The following POLI variants were observed in gnomAD, a reference collection of about 807,000 sequenced individuals.
The protein encoded by POLI is RAD30 homolog B.
Under a neutral mutation model 51.6 loss-of-function variants are expected in POLI, and 58 were observed. The observed-to-expected ratio is 1.12, with a 90% CI of 0.91 to 1.40. POLI has a LOEUF of 1.40. Ranked by LOEUF, POLI falls within the 40% of genes most tolerant of loss-of-function variation. POLI has a pLI of 0.00. For missense variants in POLI, 921 were observed against 871.3 expected, an observed-to-expected ratio of 1.06 and a Z score of -0.72; for synonymous variants, 322 against 299.7, an observed-to-expected ratio of 1.07 and a Z score of -0.77.
rs1599254133 is a variant in POLI at position 54,295,399 on chromosome 18, A to G, written c.*932A>G. 1 of 980,848 alleles carries G rather than the reference A, an allele frequency of 1.0e-6. No homozygotes were observed. The highest frequency in any genetic ancestry group is 1.2e-6 in the Non-Finnish European group (1 of 825,760). The allele number at this position is 980,848 out of a possible 1,614,324, so 60.8% of individuals were successfully genotyped here. ...ATTGCCTTCCTCTTTTGCCTGCTAA[A>G]CTAAAAATTGGATATAAGATTGAGA... is the stretch of plus-strand genomic sequence containing the variant. On this transcript the variant is annotated 3_prime_UTR_variant, in exon 10 of 10. Coordinates refer to ENST00000579534, the MANE Select transcript of POLI (RefSeq NM_007195.3).
intron 2 of POLI, among the ~76,000 whole-genome samples, chr18:54,272,964 G>A (rs895435709): frequency 3.3e-5 from 5 of 151,860 alleles, no homozygotes; most frequent in Non-Finnish European, 7.4e-5. Flanking sequence ...TAAAAATAAT[G>A]TTGTTTATGA....
intron 7 of POLI, among the ~76,000 whole-genome samples, chr18:54,285,697 T>A (rs991524129): frequency 2.6e-5 from 4 of 152,204 alleles, no homozygotes; most frequent in Non-Finnish European, 4.4e-5. Context: ...CTTTTTCTAA[T>A]GTGTCTTAAT....
rs1233962851 is a variant in POLI at position 54,294,229 on chromosome 18, T to C, written c.1985T>C (p.Leu662Ser). ...TCTGCTTTTCATTCATTTCCAAACT[T>C]GCAGAGTGAGCAACTTTTCTCCAGA... The part of the protein sequence containing the change: ...AVSAFHSFPN[L>S]QSEQLFSRNH... Residue 662 changes from leucine (L) to serine (S), a missense_variant, in exon 10 of 10, where the codon TTG (leucine) becomes TCG (serine). Physicochemically the swap from Leu to Ser is moderately radical, Grantham distance 145 (BLOSUM62 -2). Coordinates refer to ENST00000579534, the MANE Select transcript of POLI (RefSeq NM_007195.3). The C allele has an allele frequency of 6.2e-7, 1 of 1,613,584 alleles. No homozygotes were observed. Among genetic ancestry groups the C allele is most frequent in the Non-Finnish European group, 8.5e-7 (1 of 1,179,724 alleles).
downstream of POLI, among the ~76,000 whole-genome samples, chr18:54,300,702 G>C (rs2088475669): frequency 6.6e-6 from 1 of 152,232 alleles, no homozygotes; most frequent in Admixed American, 6.5e-5. Flanking sequence ...GGACCCAACT[G>C]TCTGCTGTGT....
At chr18:54,308,261 T>G (rs1456751369) in intron 3 of POLI, among the ~76,000 whole-genome samples, 1 of 152,224 alleles carries the variant, frequency 6.6e-6, no homozygotes, top group African/African-American at 2.4e-5. Context: ...TCAGGAGCTC[T>G]TGTAAGGCAG....
At chr18:54,311,129 C>T in intron 3 of POLI, 1 of 981,008 alleles carries the variant, frequency 1.0e-6, no homozygotes, top group Non-Finnish European at 1.2e-6. Flanking sequence ...TGCTGCCACC[C>T]TGCCACTTCT....
At chr18:54,281,939 G>T (rs2087521236) in intron 5 of POLI, among the ~76,000 whole-genome samples, 1 of 152,042 alleles carries the variant, frequency 6.6e-6, no homozygotes, top group Non-Finnish European at 1.5e-5. Flanking sequence ...TGAATGAAAA[G>T]AATAAGGAGA....
rs777058525 is a variant in POLI, at chr18:54,274,037, T to A, written c.353T>A (p.Leu118Ter). 1.9e-6 allele frequency: 3 copies of A among 1,558,734 alleles called. No homozygotes were observed. Residue 118 changes from leucine to a stop codon, truncating the protein, a stop_gained, in exon 3 of 10, where the codon TTA (leucine) becomes TAA (stop). Coordinates refer to ENST00000579534, the MANE Select transcript of POLI (RefSeq NM_007195.3). LOFTEE classifies it high-confidence loss of function. ...AAAGAAAAGTGTCCACAGTTGGTATTAGTTAATGGAGAAGACCTGACCCGC... is the reference window on the plus strand; with the variant it reads ...AAAGAAAAGTGTCCACAGTTGGTATAAGTTAATGGAGAAGACCTGACCCGC... ...DAKEKCPQLVLVNGEDLTRYR... is the reference protein window; with the variant it reads ...DAKEKCPQLV
At chr18:54,310,898 A>T (rs1315539242) in intron 3 of POLI, among the ~76,000 whole-genome samples, 1 of 152,134 alleles carries the variant, frequency 6.6e-6, no homozygotes, top group Non-Finnish European at 1.5e-5. Flanking sequence ...TGAGAACTAT[A>T]CAGAATCAAC....
intron 3 of POLI, among the ~76,000 whole-genome samples, chr18:54,304,002 A>G (rs1046262844): frequency 2.0e-5 from 3 of 151,964 alleles, no homozygotes; most frequent in South Asian, 2.1e-4. Flanking sequence ...ATGAGTGACA[A>G]CATGTGGTGT....
chr18:54,270,016 C>A, intron 1 of POLI: 5 of 1,024,168 alleles, frequency 4.9e-6, no homozygotes, highest in Non-Finnish European at 5.8e-6. Context: ...AGGACCTTGT[C>A]GCTCATTTGG....
intron 3 of POLI, among the ~76,000 whole-genome samples, chr18:54,305,859 C>G (rs996651742): frequency 6.6e-6 from 1 of 151,838 alleles, no homozygotes; most frequent in Non-Finnish European, 1.5e-5. Flanking sequence ...CCTGGGTTCA[C>G]GCCATTCTCC....
chr18:54,298,113 TA>T lies in POLI; in HGVS notation c.*3653del. 1 of 931,210 alleles carries T rather than the reference TA, an allele frequency of 1.1e-6. No homozygotes were observed. The highest frequency in any genetic ancestry group is 1.3e-6 in the Non-Finnish European group (1 of 780,570). The allele number at this position is 931,210 out of a possible 1,614,324, so 57.7% of individuals were successfully genotyped here. On this transcript the variant is annotated 3_prime_UTR_variant, in exon 10 of 10. Coordinates refer to ENST00000579534, the MANE Select transcript of POLI (RefSeq NM_007195.3). ...ATCAAATCTGGATTGTTTTCAATAT[TA>T]AAAAAACTTCTATTTTAAAATCTGT...
rs1308943829 is a variant in POLI at position 54,277,800 on chromosome 18, G to A, written c.504G>A (p.Leu168=). 6.2e-7 allele frequency: 1 copy of A among 1,612,812 alleles called. No individual in the cohort carries two copies. The highest frequency in any genetic ancestry group is 8.5e-7 in the Non-Finnish European group (1 of 1,179,096). The change falls in exon 4 of 10, where the codon CTG becomes CTA. Residue 168 remains leucine (L), a synonymous_variant. Coordinates refer to ENST00000579534, the MANE Select transcript of POLI (RefSeq NM_007195.3). ...TEMVEKRLQQ[L]QSDELSAVTV... ...TGGTTGAGAAGAGACTACAGCAGCTGCAAAGTGATGAACTTTCTGCGGTGA... is the reference window on the plus strand; with the variant it reads ...TGGTTGAGAAGAGACTACAGCAGCTACAAAGTGATGAACTTTCTGCGGTGA...
At chr18:54,311,069 T>C in intron 3 of POLI, 2 of 982,004 alleles carry the variant, frequency 2.0e-6, no homozygotes, top group Non-Finnish European at 2.4e-6. Flanking sequence ...GTCTAGCTAT[T>C]TCTTTTGGAT....
intron 5 of POLI, among the ~76,000 whole-genome samples, chr18:54,281,358 A>C (rs1441652390): frequency 1.3e-5 from 2 of 152,174 alleles, no homozygotes; most frequent in Admixed American, 6.5e-5. Flanking sequence ...ACTGATTTCC[A>C]TGAGGAGTTC....
At position 54,272,602 on chromosome 18, in the gene POLI, G is replaced by T. The variant is rs191299852; in HGVS notation, c.241+1117G>T. Among the ~76,000 whole-genome samples the T allele has an allele frequency of 2.2e-4, 33 of 151,800 alleles. No individual in the cohort carries two copies. The Admixed American group carries it at 2.2e-3, about 10-fold the overall frequency. ...TTCTCCTGCCTCAGCCTTCCAAGTA[G>T]CTGGGACTAGAGGTGTGCGCCACCA... On this transcript the variant is annotated intron_variant, in intron 2 of 9. Coordinates refer to ENST00000579534, the MANE Select transcript of POLI (RefSeq NM_007195.3).
At chr18:54,316,517 CAT>C (rs1395055184) in intron 3 of POLI, among the ~76,000 whole-genome samples, 3 of 152,272 alleles carry the variant, frequency 2.0e-5, no homozygotes, top group South Asian at 2.1e-4. Flanking sequence ...TATGATGTAA[CAT>C]ATTCTTTTTG....
intron 3 of POLI, among the ~76,000 whole-genome samples, chr18:54,311,332 C>T (rs1330360179): frequency 6.6e-6 from 1 of 151,852 alleles, no homozygotes; most frequent in African/African-American, 2.4e-5. Flanking sequence ...TCAGAAATGG[C>T]AATAAAATAA....
Sources: gnomAD v4.1 joint callset for allele counts (sites outside exome capture counted in the v4.1 genomes callset) on GRCh38, gnomAD v4.1.1 for gene constraint, MANE v1.5 for transcripts, NCBI Gene and HGNC (gene_info 2026-07-23, HGNC 2026-07-21) for gene names.